The following DZIP3 variants were observed in gnomAD, a reference collection of about 807,000 sequenced individuals.
DZIP3 encodes DAZ interacting zinc finger protein 3, also known as E3 ubiquitin-protein ligase DZIP3.
A neutral mutation model predicts 162.0 loss-of-function variants in DZIP3; 118 were observed. That is an observed-to-expected ratio of 0.73 (90% CI 0.63 to 0.85). DZIP3 has a LOEUF of 0.85. DZIP3 is among the 40% of genes least tolerant of loss of function. The pLI is 0.00. For synonymous variants in DZIP3, 438 were observed against 458.6 expected, an observed-to-expected ratio of 0.96 and a Z score of 0.57; for missense variants, 1,331 against 1,407.0, an observed-to-expected ratio of 0.95 and a Z score of 0.86.
At chr3:108,685,816 C>T (rs1040236410) in intron 27 of DZIP3, among the ~76,000 whole-genome samples, 3 of 152,166 alleles carry the variant, frequency 2.0e-5, no homozygotes, top group African/African-American at 7.2e-5. Context: ...AGTTACTGTG[C>T]AATTGATCCC....
chr3:108,596,547 C>T lies in DZIP3; in HGVS notation c.-73+6708C>T, dbSNP rs942366963. Among the ~76,000 whole-genome samples the T allele has an allele frequency of 6.6e-5, 10 of 152,178 alleles. No individual in the cohort carries two copies. In the South Asian group the frequency reaches 8.3e-4, roughly 13 times the overall value. ...CAAGAAGACACAGGTTCTGTCTTGA[C>T]GCCATGGTTGCCTACAGGTACCAGC... On this transcript the variant is annotated intron_variant, in intron 1 of 32. Transcript: ENST00000361582.
At position 108,661,873 on chromosome 3, in the gene DZIP3, A is replaced by C; in HGVS notation, c.2200-4A>C. On this transcript the variant is annotated splice_polypyrimidine_tract_variant and splice_region_variant and intron_variant, in intron 19 of 32. Coordinates refer to ENST00000361582, the MANE Select transcript of DZIP3 (RefSeq NM_014648.4). ...AATACATGCATATTTCCTGTGCTCAATAGGGCTCAGCTGGCAAAGTAACTA... is the reference window on the plus strand; with the variant it reads ...AATACATGCATATTTCCTGTGCTCACTAGGGCTCAGCTGGCAAAGTAACTA... 6.2e-7 allele frequency: 1 copy of C among 1,612,378 alleles called. No homozygotes were observed. Among genetic ancestry groups the C allele is most frequent in the Non-Finnish European group, 8.5e-7 (1 of 1,179,288 alleles).
intron 1 of DZIP3, among the ~76,000 whole-genome samples, chr3:108,591,236 A>G (rs1371809318): frequency 6.6e-6 from 1 of 152,260 alleles, no homozygotes; most frequent in Non-Finnish European, 1.5e-5. Context: ...TGTAGAAAGA[A>G]CGAGGAGGAG....
intron 7 of DZIP3, among the ~76,000 whole-genome samples, chr3:108,627,724 A>G (rs1941649289): frequency 6.6e-6 from 1 of 152,128 alleles, no homozygotes; most frequent in African/African-American, 2.4e-5. Flanking sequence ...TCAGCACTTT[A>G]AAGATCCACT....
chr3:108,605,266 T>G, intron 1 of DZIP3, 69 bp from the exon 2 acceptor site: 1 of 1,137,886 alleles, frequency 8.8e-7, no homozygotes, highest in Non-Finnish European at 1.3e-6. Context: ...AATGATCACG[T>G]TCTGTTTTCA....
chr3:108,624,370 ATATT>A, intron 5 of DZIP3, 70 bp from the exon 6 acceptor site: 2 of 776,774 alleles, frequency 2.6e-6, no homozygotes, highest in Non-Finnish European at 4.5e-6. Context: ...TAAGCTTAGG[ATATT>A]TAATTAAGCT....
rs558310408 is a variant in DZIP3, at chr3:108,620,624, C to T, written c.376-3820C>T. Among the ~76,000 whole-genome samples the T allele has an allele frequency of 2.1e-3, 327 of 152,324 alleles. 1 individual carries two copies. The highest frequency in any genetic ancestry group is 6.8e-3 in the Middle Eastern group (2 of 294). ...ATGACTTTTATGGTCACACCCACCTCTCTCCCTCTACAATTCACTGATCCC... is the reference window on the plus strand; with the variant it reads ...ATGACTTTTATGGTCACACCCACCTTTCTCCCTCTACAATTCACTGATCCC... On this transcript the variant is annotated intron_variant, in intron 5 of 32. Coordinates refer to ENST00000361582, the MANE Select transcript of DZIP3 (RefSeq NM_014648.4).
intron 1 of DZIP3, among the ~76,000 whole-genome samples, chr3:108,603,943 G>C (rs941378505): frequency 6.6e-6 from 1 of 152,118 alleles, no homozygotes; most frequent in Admixed American, 6.5e-5. Flanking sequence ...ATGGGTTCAG[G>C]TTCTGCATTT....
intron 26 of DZIP3, among the ~76,000 whole-genome samples, chr3:108,683,904 A>G (rs1944407688): frequency 6.6e-6 from 1 of 152,174 alleles, no homozygotes; most frequent in Admixed American, 6.5e-5. Flanking sequence ...TACCTTATCC[A>G]ACCCTCTCAT....
chr3:108,590,323 G>T (rs796813193), intron 1 of DZIP3, among the ~76,000 whole-genome samples: 4 of 152,060 alleles, frequency 2.6e-5, no homozygotes, highest in African/African-American at 9.6e-5. Context: ...GTAAGAATAG[G>T]GTACATTTCC....
intron 8 of DZIP3, among the ~76,000 whole-genome samples, chr3:108,629,566 TTTC>T (rs149915137): frequency 0.016 from 2,453 of 152,200 alleles, 39 homozygotes; most frequent in Admixed American, 0.031. Context: ...TTCATCTATA[TTTC>T]TTCTTCAAAT....
chr3:108,616,641 A>G lies in DZIP3; in HGVS notation c.359A>G (p.Gln120Arg), dbSNP rs775332144. 9 of 1,591,572 alleles carry G rather than the reference A, an allele frequency of 5.7e-6. No homozygotes were observed. Among genetic ancestry groups the G allele is most frequent in the Non-Finnish European group, 7.7e-6 (9 of 1,170,012 alleles). ...CTAGAAGCAGCACTTAGGAACATTCAAGCTGGCAATTATACCGTAAGTGTT... is the reference window on the plus strand; with the variant it reads ...CTAGAAGCAGCACTTAGGAACATTCGAGCTGGCAATTATACCGTAAGTGTT... ...TQLEAALRNI[Q>R]AGNYTAHQIN... Residue 120 changes from glutamine (Q) to arginine (R), a missense_variant, in exon 5 of 33, where the codon CAA (glutamine) becomes CGA (arginine). This residue lies in a region of DZIP3 where 1,278 missense variants were observed against 1,317.1 expected (regional missense o/e 0.97). Coordinates refer to ENST00000361582, the MANE Select transcript of DZIP3 (RefSeq NM_014648.4).
intron 24 of DZIP3, among the ~76,000 whole-genome samples, chr3:108,675,197 C>G (rs1167888849): frequency 6.6e-6 from 1 of 151,932 alleles, no homozygotes; most frequent in Admixed American, 6.6e-5. Flanking sequence ...AAAGTTGTTC[C>G]TACTTTTGTT....
intron 22 of DZIP3, 34 bp downstream of exon 22, chr3:108,669,783 C>A (rs1222121069): frequency 6.7e-7 from 1 of 1,495,156 alleles, no homozygotes; most frequent in South Asian, 1.1e-5. Context: ...GGTGCACTCT[C>A]TCTGAAACTG....
chr3:108,622,333 T>G (rs1012051938), intron 5 of DZIP3, among the ~76,000 whole-genome samples: 11 of 152,196 alleles, frequency 7.2e-5, no homozygotes, highest in Admixed American at 5.9e-4. Context: ...TTATTCTCAA[T>G]TTCTTTGTTC....
At position 108,675,854 on chromosome 3, in the gene DZIP3, A is replaced by G; in HGVS notation, c.2762A>G (p.Asn921Ser). The G allele has an allele frequency of 1.9e-6, 3 of 1,610,024 alleles. No individual in the cohort carries two copies. In the South Asian group the frequency reaches 3.3e-5, roughly 18 times the overall value. The change falls in exon 25 of 33, where the codon AAC becomes AGC. Residue 921 changes from asparagine to serine, a missense_variant. By Grantham distance (46) the Asn-to-Ser change is conservative. Coordinates refer to ENST00000361582, the MANE Select transcript of DZIP3 (RefSeq NM_014648.4). Reference sequence around the variant, plus strand: ...AATGCCATTGTGGCAGATGTTAGAAACAAGATTGCATTCCTCAGGGTAAGT... The same window carrying G: ...AATGCCATTGTGGCAGATGTTAGAAGCAAGATTGCATTCCTCAGGGTAAGT... ...SWNAIVADVRNKIAFLRTQYN... is the reference protein window; with the variant it reads ...SWNAIVADVRSKIAFLRTQYN...
At position 108,675,844 on chromosome 3, in the gene DZIP3, G is replaced by T; in HGVS notation, c.2752G>T (p.Asp918Tyr). Residue 918 changes from aspartate (D) to tyrosine (Y), a missense_variant, in exon 25 of 33, where the codon GAT becomes TAT. Physicochemically the swap from Asp to Tyr is radical, Grantham distance 160. Coordinates refer to ENST00000361582, the MANE Select transcript of DZIP3 (RefSeq NM_014648.4). The part of the protein sequence containing the change: ...AVDSWNAIVA[D>Y]VRNKIAFLRT... ...AGACAGTTGGAATGCCATTGTGGCA[G>T]ATGTTAGAAACAAGATTGCATTCCT... 2.5e-6 allele frequency: 4 copies of T among 1,610,218 alleles called. No individual in the cohort carries two copies.
chr3:108,616,479 G>T, intron 4 of DZIP3, 62 bp from the exon 5 acceptor site: 1 of 1,059,572 alleles, frequency 9.4e-7, no homozygotes, highest in Non-Finnish European at 1.4e-6. Context: ...TTTGTATAAT[G>T]TAAACATATG....
intron 3 of DZIP3, among the ~76,000 whole-genome samples, chr3:108,609,854 A>G (rs1240924381): frequency 6.6e-6 from 1 of 152,136 alleles, no homozygotes; most frequent in Non-Finnish European, 1.5e-5. Flanking sequence ...GACACTTACA[A>G]TATTTCCTGT....
Sources: gnomAD v4.1 joint callset for allele counts (sites outside exome capture counted in the v4.1 genomes callset) on GRCh38, gnomAD v4.1.1 for gene constraint, gnomAD v4.1.1 regional missense constraint, MANE v1.5 for transcripts, NCBI Gene and HGNC (gene_info 2026-07-23, HGNC 2026-07-21) for gene names.